SNAPC1: variants seen among roughly 807,000 people sequenced by gnomAD.
SNAPC1 encodes small nuclear RNA activating complex polypeptide 1, also known as snRNA-activating protein complex subunit 1.
Under a neutral mutation model 50.1 loss-of-function variants are expected in SNAPC1, and 42 were observed. The ratio of observed to expected loss-of-function variants is 0.84; its 90% CI spans 0.65 to 1.08. The LOEUF (loss-of-function observed/expected upper bound fraction) is 1.08, where lower values mean the gene tolerates loss of function less well. Ranked by LOEUF, SNAPC1 falls within the 50% of genes least tolerant of loss-of-function variation. SNAPC1 has a pLI of 0.00. For synonymous variants in SNAPC1, 164 were observed against 144.2 expected (o/e 1.14, Z -0.98); for missense variants, 477 against 427.3 (o/e 1.12, Z -1.02).
intron 4 of SNAPC1, among the ~76,000 whole-genome samples, chr14:61,771,503 T>G (rs992676276): frequency 6.6e-6 from 1 of 152,040 alleles, no homozygotes; most frequent in Non-Finnish European, 1.5e-5. Flanking sequence ...AGCAGCTTAG[T>G]GAGAAAGAGG....
In SNAPC1 at chr14:61,792,893, A is replaced by T; in HGVS notation, c.1063A>T (p.Ser355Cys). 2 of 1,591,342 alleles carry T rather than the reference A, an allele frequency of 1.3e-6. No homozygotes were observed. The highest frequency in any genetic ancestry group is 8.6e-7 in the Non-Finnish European group (1 of 1,162,974). ...ITEEEENESLSGTEFTASKKR... is the reference protein window; with the variant it reads ...ITEEEENESLCGTEFTASKKR... Reference sequence around the variant, plus strand: ...AGAAGAAGAAGAGAATGAAAGTTTGAGTGGAACAGGTACAGATAAAATTTG... The same window carrying T: ...AGAAGAAGAAGAGAATGAAAGTTTGTGTGGAACAGGTACAGATAAAATTTG... The change falls in exon 9 of 10, where the codon AGT becomes TGT. Residue 355 changes from serine to cysteine, a missense_variant. Ser to Cys is a moderately radical substitution (Grantham distance 112). Transcript: ENST00000216294.
At position 61,774,648 on chromosome 14, in the gene SNAPC1, A is replaced by ATTTCTTT. The variant is rs1172798543; in HGVS notation, c.535-1444_535-1443insCTTTTTT. Among the ~76,000 whole-genome samples, 231 of 90,928 alleles carry ATTTCTTT rather than the reference A, an allele frequency of 2.5e-3. 15 individuals carry two copies. Among genetic ancestry groups the ATTTCTTT allele is most frequent in the African/African-American group, 5.5e-3 (133 of 24,230 alleles). 59.7% of individuals were successfully genotyped at this position (90,928 alleles called of 152,430 possible). A position where few individuals can be genotyped will look rare whatever the true frequency, so the allele number is the denominator to read the frequency against. On this transcript the variant is annotated intron_variant, in intron 4 of 9. Transcript: ENST00000216294. ...ACTCACCACTATTGATCAGTTTCTC[A>ATTTCTTT]TTTTTTTTTTTTTTTTTTTTTTTTT...
Position 61,762,455 on chromosome 14 carries a change from G to C in SNAPC1, c.-6G>C. ...GGGCTTCGGAGGCGTGCGGGCTTCG[G>C]GTGCCATGGGGACTCCTCCCGGCCT... On this transcript the variant is annotated 5_prime_UTR_variant, in exon 1 of 10. Transcript: ENST00000216294. 1 of 1,609,188 alleles carries C rather than the reference G, an allele frequency of 6.2e-7. No homozygotes were observed. The highest frequency in any genetic ancestry group is 8.5e-7 in the Non-Finnish European group (1 of 1,178,050).
At chr14:61,770,962 A>G (rs2044985795) in intron 4 of SNAPC1, among the ~76,000 whole-genome samples, 1 of 152,072 alleles carries the variant, frequency 6.6e-6, no homozygotes, top group Non-Finnish European at 1.5e-5. Context: ...GGGTGGTCTC[A>G]AACTCCTGAG....
intron 9 of SNAPC1, among the ~76,000 whole-genome samples, chr14:61,793,381 T>C (rs1201895241): frequency 6.6e-6 from 1 of 152,028 alleles, no homozygotes; most frequent in Non-Finnish European, 1.5e-5. Context: ...TCACTGGGAC[T>C]GAAGGCACAT....
chr14:61,783,615 A>G (rs1376215878), intron 8 of SNAPC1, among the ~76,000 whole-genome samples: 1 of 138,552 alleles, frequency 7.2e-6, no homozygotes, highest in Non-Finnish European at 1.5e-5. Context: ...GGCTCACTGC[A>G]ACCTCTGCCT....
chr14:61,788,475 A>T (rs892360435), intron 8 of SNAPC1, among the ~76,000 whole-genome samples: 5 of 152,214 alleles, frequency 3.3e-5, no homozygotes, highest in Non-Finnish European at 5.9e-5. Context: ...TTCTAATTGT[A>T]AAAGAGCTTT....
chr14:61,791,270 A>G (rs1462262140), intron 8 of SNAPC1, among the ~76,000 whole-genome samples: 3 of 152,164 alleles, frequency 2.0e-5, no homozygotes, highest in Non-Finnish European at 2.9e-5. Flanking sequence ...TCAGCCTCCT[A>G]AAGTGCTGGG....
Position 61,792,838 on chromosome 14 carries a change from A to C in SNAPC1, c.1008A>C (p.Lys336Asn). Reference sequence around the variant, plus strand: ...TGCAGAATATACACAAGGAAGATAAACCTTTAAGTCTGAGTATGCCTGTAA... The same window carrying C: ...TGCAGAATATACACAAGGAAGATAACCCTTTAAGTCTGAGTATGCCTGTAA... ...GNVQNIHKED[K>N]PLSLSMPVIT... The change falls in exon 9 of 10, where the codon AAA becomes AAC. Residue 336 changes from lysine to asparagine, a missense_variant. Transcript: ENST00000216294. 1 of 1,596,730 alleles carries C rather than the reference A, an allele frequency of 6.3e-7. No individual in the cohort carries two copies. Among genetic ancestry groups the C allele is most frequent in the Non-Finnish European group, 8.6e-7 (1 of 1,168,040 alleles).
chr14:61,794,398 GT>G (rs1211635369), intron 9 of SNAPC1, among the ~76,000 whole-genome samples: 3 of 151,530 alleles, frequency 2.0e-5, no homozygotes, highest in Non-Finnish European at 2.9e-5. Flanking sequence ...GTTGTTATGT[GT>G]TTTTTTTGTT....
In SNAPC1 at chr14:61,776,103, G is replaced by C; in HGVS notation, c.543G>C (p.Leu181=). 1.9e-6 allele frequency: 3 copies of C among 1,581,094 alleles called. No individual in the cohort carries two copies. The highest frequency in any genetic ancestry group is 1.2e-5 in the South Asian group (1 of 85,130). The change falls in exon 5 of 10, where the codon CTG becomes CTC. Residue 181 remains leucine (L), a synonymous_variant. Transcript: ENST00000216294. ...CATCTTTTTGCTTTTAGGAAATGCT[G>C]AATGTTCATGATCATTATCAGAACA... ...LITSDVLEEM[L]NVHDHYQNMK...
chr14:61,775,666 T>C (rs576258517), intron 4 of SNAPC1, among the ~76,000 whole-genome samples: 1 of 152,308 alleles, frequency 6.6e-6, no homozygotes, highest in South Asian at 2.1e-4. Context: ...AGTCGTTACA[T>C]AGGAATTTCC....
intron 8 of SNAPC1, among the ~76,000 whole-genome samples, chr14:61,783,731 G>A (rs985506065): frequency 7.3e-5 from 11 of 151,716 alleles, no homozygotes; most frequent in African/African-American, 2.7e-4. Flanking sequence ...GTAGAGACGG[G>A]GTTTCACTAT....
In SNAPC1 at chr14:61,768,633, T is replaced by A; in HGVS notation, c.430-3T>A. On this transcript the variant is annotated splice_polypyrimidine_tract_variant and splice_region_variant and intron_variant, in intron 3 of 9. Coordinates refer to ENST00000216294, the MANE Select transcript of SNAPC1 (RefSeq NM_003082.4). ...ATTTAAAAAGACACGTATTATCACA[T>A]AGCTGTCATATAGGATGAAGAAAAA... 6.7e-7 allele frequency: 1 copy of A among 1,489,118 alleles called. No individual in the cohort carries two copies. Among genetic ancestry groups the A allele is most frequent in the South Asian group, 1.1e-5 (1 of 87,914 alleles). The allele number at this position is 1,489,118 out of a possible 1,614,324, so 92.2% of individuals were successfully genotyped here.
At chr14:61,765,949 AG>A (rs1450585494) in intron 1 of SNAPC1, among the ~76,000 whole-genome samples, 1 of 152,192 alleles carries the variant, frequency 6.6e-6, no homozygotes, top group East Asian at 1.9e-4. Flanking sequence ...GCAAGGACAG[AG>A]GAGATTTAGT....
intron 8 of SNAPC1, among the ~76,000 whole-genome samples, chr14:61,789,300 A>T (rs1343937054): frequency 6.6e-6 from 1 of 152,186 alleles, no homozygotes; most frequent in African/African-American, 2.4e-5. Context: ...TCGACTAAAA[A>T]TAAAACACAA....
intron 8 of SNAPC1, among the ~76,000 whole-genome samples, chr14:61,791,573 C>A (rs952988207): frequency 1.3e-5 from 2 of 152,110 alleles, no homozygotes; most frequent in Admixed American, 1.3e-4. Context: ...ATAGGCCGGG[C>A]ACGGTGGCTC....
intron 4 of SNAPC1, among the ~76,000 whole-genome samples, chr14:61,769,732 C>T (rs2044974382): frequency 3.3e-5 from 5 of 152,094 alleles, no homozygotes; most frequent in Admixed American, 3.3e-4. Flanking sequence ...TTAAAACCTA[C>T]CATTGAAAAC....
intron 3 of SNAPC1, among the ~76,000 whole-genome samples, chr14:61,767,778 T>TTG (rs2044959619): frequency 6.7e-6 from 1 of 148,650 alleles, no homozygotes; most frequent in Non-Finnish European, 1.5e-5. Flanking sequence ...GTAACTTTTT[T>TTG]TGTGTGTGTG....
Sources: gnomAD v4.1 joint callset for allele counts (sites outside exome capture counted in the v4.1 genomes callset) on GRCh38, gnomAD v4.1.1 for gene constraint, MANE v1.5 for transcripts, NCBI Gene and HGNC (gene_info 2026-07-23, HGNC 2026-07-21) for gene names.